NIF3L1: variants seen among roughly 807,000 people sequenced by gnomAD.
NIF3L1 encodes NIF3-like protein 1.
NIF3L1 carries 26 observed loss-of-function variants against 35.0 expected under a neutral mutation model. The observed-to-expected ratio is 0.74, with a 90% CI of 0.54 to 1.03. The LOEUF is 1.03. Among genes scored for constraint, NIF3L1 ranks in the 50% least tolerant of loss-of-function variants. The probability of loss-of-function intolerance (pLI) is 0.00; values close to 1 mark genes in which losing one functional copy is unlikely to be tolerated. For synonymous variants in NIF3L1, 157 were observed against 178.9 expected (o/e 0.88, Z 0.98); for missense variants, 449 against 466.3 (o/e 0.96, Z 0.34).
rs774899753 is a variant in NIF3L1 at position 200,897,151 on chromosome 2, C to CA, written c.802_803insA (p.Arg268GlnfsTer43). ...TGTCTCCCTGGCAACCATGATTGAT[C>CA]GAATAAAAAGACACCTAAAACTATC... On this transcript the variant is annotated frameshift_variant, in exon 5 of 7. Transcript: ENST00000409020. LOFTEE classifies it high-confidence loss of function. 1.8e-5 allele frequency: 29 copies of CA among 1,613,746 alleles called. 1 individual carries two copies. In the South Asian group the frequency reaches 3.2e-4, roughly 18 times the overall value.
At chr2:200,890,222 G>C (rs1287217091) in intron 1 of NIF3L1, among the ~76,000 whole-genome samples, 1 of 152,182 alleles carries the variant, frequency 6.6e-6, no homozygotes, top group African/African-American at 2.4e-5. Context: ...GCCAGGTGTG[G>C]TGTTTAGCGC....
chr2:200,892,211 C>T lies in NIF3L1; in HGVS notation c.268C>T (p.Leu90Phe). Residue 90 changes from leucine (L) to phenylalanine (F), a missense_variant, in exon 2 of 7, where the codon CTC (leucine) becomes TTC (phenylalanine). Transcript: ENST00000409020. ...EVLQKKADLI[L>F]SYHPPIFRPM... ...GCTGCAAAAGAAGGCAGACCTCATT[C>T]TCTCCTACCATCCGCCTATCTTCCG... is the stretch of plus-strand genomic sequence containing the variant. The T allele has an allele frequency of 6.2e-7, 1 of 1,614,204 alleles. No individual in the cohort carries two copies. The highest frequency in any genetic ancestry group is 8.5e-7 in the Non-Finnish European group (1 of 1,180,024).
At chr2:200,893,715 C>T (rs1033010437) in intron 3 of NIF3L1, among the ~76,000 whole-genome samples, 1 of 152,106 alleles carries the variant, frequency 6.6e-6, no homozygotes, top group African/African-American at 2.4e-5. Context: ...ACAGATAGAT[C>T]CTAGTGATGT....
At position 200,899,488 on chromosome 2, in the gene NIF3L1, T is replaced by G. The variant is rs2040377653; in HGVS notation, c.949+20T>G. 2 of 1,605,302 alleles carry G rather than the reference T, an allele frequency of 1.2e-6. No homozygotes were observed. Among genetic ancestry groups the G allele is most frequent in the Non-Finnish European group, 1.7e-6 (2 of 1,173,100 alleles). The stretch of plus-strand genomic sequence containing the variant: ...TCACAGGTAGGACAGACTTTGGATC[T>G]CTCTTGGTTTATTTTTTGCAAAATC... On this transcript the variant is annotated intron_variant, in intron 6 of 6. Coordinates refer to ENST00000409020, the MANE Select transcript of NIF3L1 (RefSeq NM_001369441.2).
At chr2:200,893,448 G>A in intron 3 of NIF3L1, 40 bp downstream of exon 3, 1 of 1,586,962 alleles carries the variant, frequency 6.3e-7, no homozygotes, top group Non-Finnish European at 8.6e-7. Flanking sequence ...TGTATTTATT[G>A]GTAAGCATCT....
intron 3 of NIF3L1, among the ~76,000 whole-genome samples, chr2:200,894,736 T>C (rs1047743756): frequency 6.6e-6 from 1 of 150,576 alleles, no homozygotes; most frequent in African/African-American, 2.4e-5. Context: ...TTAACTTTAA[T>C]TTTTTAATAA....
Position 200,896,226 on chromosome 2 carries a change from T to C in NIF3L1, c.726+836T>C, listed in dbSNP as rs138201513. Among the ~76,000 whole-genome samples the C allele has an allele frequency of 3.2e-3, 484 of 152,270 alleles. 3 individuals carry two copies. The highest frequency in any genetic ancestry group is 4.9e-3 in the Non-Finnish European group (330 of 68,014). On this transcript the variant is annotated intron_variant, in intron 4 of 6. Coordinates refer to ENST00000409020, the MANE Select transcript of NIF3L1 (RefSeq NM_001369441.2). ...GTGTTGGAAGCCCTTAATGATCTGC[T>C]ACAGCCTGGGCCTCCAGCCTCCTCT... is the stretch of plus-strand genomic sequence containing the variant.
rs547885334 is a variant in NIF3L1, at chr2:200,899,196, A to G, written c.866-189A>G. The G allele has an allele frequency of 6.0e-5, 27 of 452,742 alleles. No individual in the cohort carries two copies. In the Admixed American group the frequency reaches 6.5e-4, roughly 11 times the overall value. The allele number at this position is 452,742 out of a possible 1,614,324, so 28.0% of individuals were successfully genotyped here. A position where few individuals can be genotyped will look rare whatever the true frequency, so the allele number is the denominator to read the frequency against. ...AACCATGCCTTGGGTTAGCTATGCA[A>G]TATCAAAGAATGACCTGTTTGCTTA... On this transcript the variant is annotated intron_variant, in intron 5 of 6. Transcript: ENST00000409020.
At chr2:200,890,059 A>C (rs1040164085) in intron 1 of NIF3L1, among the ~76,000 whole-genome samples, 25 of 152,214 alleles carry the variant, frequency 1.6e-4, no homozygotes, top group South Asian at 2.1e-4. Context: ...TATGAGGACC[A>C]TTAGAAGATC....
At position 200,897,100 on chromosome 2, in the gene NIF3L1, G is replaced by A. The variant is rs778264334; in HGVS notation, c.751G>A (p.Gly251Arg). 6.2e-7 allele frequency: 1 copy of A among 1,613,930 alleles called. No individual in the cohort carries two copies. Among genetic ancestry groups the A allele is most frequent in the East Asian group, 2.2e-5 (1 of 44,890 alleles). ...EKPLLLHTGM[G>R]RLCTLDESVS... ...GCCTTTGCTTCTACATACTGGAATG[G>A]GACGGTTATGCACACTGGATGAATC... is the stretch of plus-strand genomic sequence containing the variant. Residue 251 changes from glycine to arginine, a missense_variant, in exon 5 of 7, where the codon GGA (glycine) becomes AGA (arginine). Coordinates refer to ENST00000409020, the MANE Select transcript of NIF3L1 (RefSeq NM_001369441.2).
At chr2:200,898,229 A>G (rs1325754542) in intron 5 of NIF3L1, among the ~76,000 whole-genome samples, 1 of 152,218 alleles carries the variant, frequency 6.6e-6, no homozygotes, top group Non-Finnish European at 1.5e-5. Context: ...AGACTAGGTA[A>G]TTTATAAAGA....
chr2:200,894,006 C>G (rs2040253125), intron 3 of NIF3L1, among the ~76,000 whole-genome samples: 2 of 152,012 alleles, frequency 1.3e-5, no homozygotes, highest in South Asian at 4.2e-4. Flanking sequence ...GAAACCTCGT[C>G]TCTACTAAAA....
chr2:200,897,155 T>TAA lies in NIF3L1; in HGVS notation c.810_811dup (p.Arg271LysfsTer4). On this transcript the variant is annotated frameshift_variant, in exon 5 of 7. Transcript: ENST00000409020. LOFTEE classifies it high-confidence loss of function. ...TCCCTGGCAACCATGATTGATCGAA[T>TAA]AAAAAGACACCTAAAACTATCTCAT... The TAA allele has an allele frequency of 6.2e-7, 1 of 1,614,014 alleles. No individual in the cohort carries two copies. Among genetic ancestry groups the TAA allele is most frequent in the East Asian group, 2.2e-5 (1 of 44,876 alleles).
chr2:200,898,825 CCT>C (rs1342382159), intron 5 of NIF3L1, among the ~76,000 whole-genome samples: 24 of 152,266 alleles, frequency 1.6e-4, no homozygotes, highest in African/African-American at 5.8e-4. Context: ...TTGTAGCATT[CCT>C]CTTTTTATAG....
intron 6 of NIF3L1, among the ~76,000 whole-genome samples, chr2:200,903,024 GAT>G (rs1460826476): frequency 6.6e-6 from 1 of 152,226 alleles, no homozygotes; most frequent in South Asian, 2.1e-4. Flanking sequence ...ATATTTTCAA[GAT>G]AGTCTTACTC....
chr2:200,891,148 G>A (rs969132329), intron 1 of NIF3L1, among the ~76,000 whole-genome samples: 6 of 152,038 alleles, frequency 3.9e-5, no homozygotes, highest in South Asian at 2.1e-4. Flanking sequence ...TAGTAGAGAC[G>A]GTTTCACCAC....
chr2:200,902,731 T>C (rs1202848724), intron 6 of NIF3L1, among the ~76,000 whole-genome samples: 1 of 152,192 alleles, frequency 6.6e-6, no homozygotes, highest in African/African-American at 2.4e-5. Flanking sequence ...TTCATCCTTA[T>C]ATATTAGACT....
At chr2:200,891,407 T>C (rs1168816189) in intron 1 of NIF3L1, among the ~76,000 whole-genome samples, 1 of 152,192 alleles carries the variant, frequency 6.6e-6, no homozygotes, top group East Asian at 1.9e-4. Context: ...TAGTTCCTAT[T>C]ACATAGTAGC....
At position 200,895,268 on chromosome 2, in the gene NIF3L1, G is replaced by GGT. The variant is rs768614894; in HGVS notation, c.605_606dup (p.Asn203ValfsTer10). The GGT allele has an allele frequency of 6.0e-5, 97 of 1,613,746 alleles. No individual in the cohort carries two copies. The highest frequency in any genetic ancestry group is 8.1e-5 in the Non-Finnish European group (95 of 1,179,802). On this transcript the variant is annotated frameshift_variant, in exon 4 of 7. Coordinates refer to ENST00000409020, the MANE Select transcript of NIF3L1 (RefSeq NM_001369441.2). LOFTEE classifies it high-confidence loss of function. ...GGAGTGATTTTTCCCCCCTAGGACT[G>GGT]GTAATGAGGAACAAACACGGATTAA... is the stretch of plus-strand genomic sequence containing the variant.
Sources: gnomAD v4.1 joint callset for allele counts (sites outside exome capture counted in the v4.1 genomes callset) on GRCh38, gnomAD v4.1.1 for gene constraint, MANE v1.5 for transcripts, NCBI Gene and HGNC (gene_info 2026-07-23, HGNC 2026-07-21) for gene names.